Variants in SPAG16 observed in about 807,000 individuals in gnomAD.
The protein encoded by SPAG16 is sperm associated antigen 16.
Under a neutral mutation model 80.4 loss-of-function variants are expected in SPAG16, and 86 were observed. That is an observed-to-expected ratio of 1.07 (90% CI 0.90 to 1.28). The LOEUF is 1.28. Among genes scored for constraint, SPAG16 ranks in the 50% most tolerant of loss-of-function variants. SPAG16 has a pLI of 0.00. For synonymous variants in SPAG16, 294 were observed against 265.9 expected (o/e 1.11, Z -1.03); for missense variants, 870 against 765.3 (o/e 1.14, Z -1.61).
chr2:213,640,256 T>G (rs1675741578), intron 10 of SPAG16, among the ~76,000 whole-genome samples: 1 of 152,214 alleles, frequency 6.6e-6, no homozygotes, highest in Non-Finnish European at 1.5e-5. Context: ...ATTCAGATAT[T>G]TCTTCTTGGT....
chr2:213,722,098 C>T (rs1184865501), intron 10 of SPAG16, among the ~76,000 whole-genome samples: 1 of 151,850 alleles, frequency 6.6e-6, no homozygotes. Context: ...ATATTACATA[C>T]AAATAATGAA....
At chr2:213,513,753 C>G (rs75631366) in intron 10 of SPAG16, among the ~76,000 whole-genome samples, 4 of 152,048 alleles carry the variant, frequency 2.6e-5, no homozygotes, top group Non-Finnish European at 5.9e-5. Flanking sequence ...TAAGCTGGTC[C>G]CCTTCATATT....
At chr2:213,679,644 G>A (rs2064280258) in intron 10 of SPAG16, among the ~76,000 whole-genome samples, 1 of 152,106 alleles carries the variant, frequency 6.6e-6, no homozygotes, top group Non-Finnish European at 1.5e-5. Context: ...TTTTGTCTGT[G>A]ATGAAAATAT....
At chr2:213,741,922 T>A (rs548016722) in intron 10 of SPAG16, among the ~76,000 whole-genome samples, 101 of 152,302 alleles carry the variant, frequency 6.6e-4, no homozygotes, top group Middle Eastern at 3.4e-3. Context: ...TTTGGCTTCA[T>A]ATGTGCATGG....
intron 5 of SPAG16, among the ~76,000 whole-genome samples, chr2:213,338,727 T>C (rs185788165): frequency 6.6e-6 from 1 of 151,850 alleles, no homozygotes; most frequent in East Asian, 1.9e-4. Flanking sequence ...ATGGATGGAG[T>C]TGGAAGCCAT....
exon 16 of SPAG16, chr2:214,410,498 CTCACCCATTTGTG>C (rs1441560272): frequency 2.2e-6 from 1 of 461,696 alleles, no homozygotes; most frequent in African/African-American, 2.0e-5. Context: ...TAACTTTATG[CTCACCCATTTGTG>C]TCAGGGTCTT....
chr2:213,550,996 G>A (rs1272573186), intron 10 of SPAG16, among the ~76,000 whole-genome samples: 1 of 151,930 alleles, frequency 6.6e-6, no homozygotes, highest in Non-Finnish European at 1.5e-5. Context: ...CTATAATTGA[G>A]AGATAGCTCA....
Position 213,314,413 on chromosome 2 carries a change from G to A in SPAG16, c.399-2806G>A, listed in dbSNP as rs968961903. Among the ~76,000 whole-genome samples, 3 of 144,584 alleles carry A rather than the reference G, an allele frequency of 2.1e-5. No homozygotes were observed. In the Admixed American group the frequency reaches 2.1e-4, roughly 10 times the overall value. The allele number at this position is 144,584 out of a possible 152,430, so 94.9% of individuals were successfully genotyped here. A position where few individuals can be genotyped will look rare whatever the true frequency, so the allele number is the denominator to read the frequency against. On this transcript the variant is annotated intron_variant, in intron 4 of 15. Transcript: ENST00000331683. ...TTTGTTAAAACAAAACAAAACAACA[G>A]ATACATACAAACTGAAGCAAACCAC...
chr2:213,866,430 C>T (rs557536530), intron 11 of SPAG16, among the ~76,000 whole-genome samples: 138 of 151,966 alleles, frequency 9.1e-4, no homozygotes, highest in Non-Finnish European at 1.8e-3. Context: ...ATAAATGATC[C>T]GACTATGAGG....
intron 10 of SPAG16, among the ~76,000 whole-genome samples, chr2:213,780,212 A>C (rs2069856412): frequency 6.6e-6 from 1 of 152,196 alleles, no homozygotes; most frequent in Non-Finnish European, 1.5e-5. Context: ...AGTGAGAGGT[A>C]CTTTTACCAT....
chr2:214,387,870 T>C (rs1015580345), intron 15 of SPAG16, among the ~76,000 whole-genome samples: 1 of 152,236 alleles, frequency 6.6e-6, no homozygotes, highest in East Asian at 1.9e-4. Flanking sequence ...TCACCTGGTC[T>C]CTCCCACAGC....
chr2:213,727,563 A>G (rs1312513634), intron 10 of SPAG16, among the ~76,000 whole-genome samples: 1 of 152,178 alleles, frequency 6.6e-6, no homozygotes, highest in Non-Finnish European at 1.5e-5. Context: ...AACTGGTACA[A>G]AGGCGCTGAC....
intron 12 of SPAG16, among the ~76,000 whole-genome samples, chr2:213,977,512 T>G (rs888082282): frequency 4.0e-5 from 6 of 151,798 alleles, no homozygotes; most frequent in Admixed American, 1.3e-4. Context: ...AGGCAAAAAA[T>G]AAAAGGCACA....
intron 10 of SPAG16, among the ~76,000 whole-genome samples, chr2:213,492,392 T>C (rs989606353): frequency 6.6e-6 from 1 of 151,772 alleles, no homozygotes; most frequent in African/African-American, 2.4e-5. Context: ...CTACTAAAAA[T>C]ACAAAAAATT....
chr2:214,028,103 A>T (rs891571551), intron 13 of SPAG16, among the ~76,000 whole-genome samples: 9 of 151,902 alleles, frequency 5.9e-5, no homozygotes, highest in African/African-American at 1.9e-4. Context: ...GAGCTAGCAT[A>T]CTACTGTGCC....
At chr2:213,311,505 A>G (rs1023499386) in intron 4 of SPAG16, among the ~76,000 whole-genome samples, 4 of 151,656 alleles carry the variant, frequency 2.6e-5, no homozygotes, top group Admixed American at 1.3e-4. Context: ...AGATTTAGCA[A>G]TCTGAATTGA....
chr2:213,668,924 A>C (rs913055894), intron 10 of SPAG16, among the ~76,000 whole-genome samples: 1 of 152,220 alleles, frequency 6.6e-6, no homozygotes, highest in Admixed American at 6.5e-5. Flanking sequence ...CTGGGATTAC[A>C]GGCATGAGCC....
intron 9 of SPAG16, among the ~76,000 whole-genome samples, chr2:213,376,816 A>G (rs985204625): frequency 6.6e-6 from 1 of 152,200 alleles, no homozygotes; most frequent in African/African-American, 2.4e-5. Context: ...TAAATGGATT[A>G]TGTTTAAGTA....
At chr2:213,802,784 C>G (rs2071499163) in intron 10 of SPAG16, among the ~76,000 whole-genome samples, 2 of 152,030 alleles carry the variant, frequency 1.3e-5, no homozygotes, top group Admixed American at 1.3e-4. Flanking sequence ...TATTCAAACT[C>G]TAACTTCTGT....
Sources: allele counts gnomAD v4.1 joint callset (sites outside exome capture counted in the v4.1 genomes callset), GRCh38; gene constraint gnomAD v4.1.1; transcripts MANE v1.5; gene names NCBI Gene and HGNC (gene_info 2026-07-23, HGNC 2026-07-21).